The following KCNH7 variants were observed in gnomAD, a reference collection of about 807,000 sequenced individuals.
The protein encoded by KCNH7 is voltage-gated inwardly rectifying potassium channel KCNH7.
In KCNH7, 49 loss-of-function variants were observed where a neutral mutation model predicts 120.8. The ratio of observed to expected loss-of-function variants is 0.41; its 90% confidence interval spans 0.32 to 0.51. The LOEUF is 0.51. Ranked by LOEUF, KCNH7 falls within the 20% of genes least tolerant of loss-of-function variation. KCNH7 has a pLI of 0.38. For synonymous variants in KCNH7, 547 were observed against 516.1 expected, an observed-to-expected ratio of 1.06 and a Z score of -0.81; for missense variants, 1,097 against 1,446.6, an observed-to-expected ratio of 0.76 and a Z score of 3.92.
chr2:162,376,847 A>T (rs1433439218), intron 14 of KCNH7, among the ~76,000 whole-genome samples: 1 of 152,190 alleles, frequency 6.6e-6, no homozygotes, highest in South Asian at 2.1e-4. Flanking sequence ...ACCTAAATAG[A>T]TGTATCTGCA....
rs533367677 is a variant in KCNH7, at chr2:162,658,762, A to G, written c.308-121682T>C. ...AATTAGCATTATATTTTAAATTTCA[A>G]ATTCCAATCATTTATTCTTGGTACA... is the stretch of plus-strand genomic sequence containing the variant. On this transcript the variant is annotated intron_variant, in intron 2 of 15. Coordinates refer to ENST00000332142, the MANE Select transcript of KCNH7 (RefSeq NM_033272.4). 2.0e-5 allele frequency among the ~76,000 whole-genome samples: 3 copies of G among 152,124 alleles called. No homozygotes were observed. In the South Asian group the frequency reaches 6.2e-4, roughly 31 times the overall value.
intron 2 of KCNH7, among the ~76,000 whole-genome samples, chr2:162,544,802 C>T (rs1323234848): frequency 6.6e-6 from 1 of 152,028 alleles, no homozygotes; most frequent in African/African-American, 2.4e-5. Flanking sequence ...TGTCTCCAGC[C>T]CCACATTTCA....
rs539433161 is a variant in KCNH7 at position 162,762,912 on chromosome 2, G to T, written c.307+73625C>A. Among the ~76,000 whole-genome samples the T allele has an allele frequency of 3.9e-5, 6 of 152,076 alleles. No homozygotes were observed. The East Asian group carries it at 1.2e-3, about 29-fold the overall frequency. On this transcript the variant is annotated intron_variant, in intron 2 of 15. Coordinates refer to ENST00000332142, the MANE Select transcript of KCNH7 (RefSeq NM_033272.4). ...CAATCAATATATTCTATGAAATTAA[G>T]GAACAATTATTTAAGCAGTTCTTTA...
intron 2 of KCNH7, among the ~76,000 whole-genome samples, chr2:162,589,742 A>G (rs759739964): frequency 3.2e-4 from 48 of 152,264 alleles, no homozygotes; most frequent in Non-Finnish European, 6.0e-4. Context: ...AAATAAAACC[A>G]TGAATTTAAC....
At chr2:162,425,972 G>C (rs1260149583) in intron 8 of KCNH7, among the ~76,000 whole-genome samples, 11 of 152,048 alleles carry the variant, frequency 7.2e-5, no homozygotes, top group Non-Finnish European at 1.6e-4. Flanking sequence ...CCAGCACTTT[G>C]GGAGGCTGAG....
intron 2 of KCNH7, among the ~76,000 whole-genome samples, chr2:162,625,939 A>G (rs987063806): frequency 6.6e-6 from 1 of 152,134 alleles, no homozygotes; most frequent in African/African-American, 2.4e-5. Context: ...TGTAAAAAAA[A>G]TTACATAATT....
chr2:162,676,816 G>T (rs962834496), intron 2 of KCNH7, among the ~76,000 whole-genome samples: 1 of 151,188 alleles, frequency 6.6e-6, no homozygotes, highest in Non-Finnish European at 1.5e-5. Flanking sequence ...ACCACATAAG[G>T]GTCCATTTTG....
At chr2:162,748,338 A>G (rs186132330) in intron 2 of KCNH7, among the ~76,000 whole-genome samples, 74 of 152,310 alleles carry the variant, frequency 4.9e-4, no homozygotes, top group African/African-American at 1.6e-3. Flanking sequence ...CATGTTTCAC[A>G]TATTTTTCAT....
At chr2:162,629,942 A>C (rs954906189) in intron 2 of KCNH7, among the ~76,000 whole-genome samples, 2 of 152,126 alleles carry the variant, frequency 1.3e-5, no homozygotes, top group African/African-American at 4.8e-5. Flanking sequence ...TAAATGAAGA[A>C]ATTTGGATTG....
intron 3 of KCNH7, among the ~76,000 whole-genome samples, chr2:162,527,482 G>A (rs1691750237): frequency 6.6e-6 from 1 of 151,884 alleles, no homozygotes; most frequent in Admixed American, 6.6e-5. Context: ...CTTAGCTTGA[G>A]GTCTAAAAAC....
chr2:162,794,825 G>A (rs1410540558), intron 2 of KCNH7, among the ~76,000 whole-genome samples: 1 of 151,948 alleles, frequency 6.6e-6, no homozygotes, highest in East Asian at 1.9e-4. Flanking sequence ...TTAAGACTCA[G>A]AAGAATTTGA....
At chr2:162,576,480 T>TTC (rs1441622277) in intron 2 of KCNH7, among the ~76,000 whole-genome samples, 4 of 151,162 alleles carry the variant, frequency 2.6e-5, no homozygotes, top group African/African-American at 9.8e-5. Flanking sequence ...ATGGAATGTT[T>TTC]TCTTTTAAGG....
chr2:162,402,690 T>C (rs1687099372), intron 9 of KCNH7, among the ~76,000 whole-genome samples: 1 of 151,798 alleles, frequency 6.6e-6, no homozygotes, highest in Non-Finnish European at 1.5e-5. Context: ...ATGATTATAG[T>C]AGTTAGCATA....
At chr2:162,414,364 C>T (rs1687479565) in intron 9 of KCNH7, among the ~76,000 whole-genome samples, 1 of 151,468 alleles carries the variant, frequency 6.6e-6, no homozygotes, top group East Asian at 1.9e-4. Flanking sequence ...CAAATGAATG[C>T]CCAGCAATGA....
chr2:162,652,616 G>A (rs1684605064), intron 2 of KCNH7, among the ~76,000 whole-genome samples: 1 of 152,180 alleles, frequency 6.6e-6, no homozygotes, highest in Admixed American at 6.5e-5. Flanking sequence ...TCTGACAGAT[G>A]CAGAGCTCAG....
Position 162,630,363 on chromosome 2 carries a change from C to T in KCNH7, c.308-93283G>A, listed in dbSNP as rs535144551. Among the ~76,000 whole-genome samples, 61 of 151,698 alleles carry T rather than the reference C, an allele frequency of 4.0e-4. 2 individuals carry two copies. Among genetic ancestry groups the T allele is most frequent in the Admixed American group, 2.0e-3 (31 of 15,232 alleles). On this transcript the variant is annotated intron_variant, in intron 2 of 15. Transcript: ENST00000332142. Reference sequence around the variant, plus strand: ...AAAATATGAAGCTAGATGAGATTATCTAGGAAAAGATATGGAGTTAGATGG... The same window carrying T: ...AAAATATGAAGCTAGATGAGATTATTTAGGAAAAGATATGGAGTTAGATGG...
At chr2:162,486,288 C>CT (rs756336498) in intron 6 of KCNH7, among the ~76,000 whole-genome samples, 6 of 152,132 alleles carry the variant, frequency 3.9e-5, no homozygotes, top group Admixed American at 1.3e-4. Flanking sequence ...ATTTTCAATT[C>CT]TTTGGACTAT....
rs544692934 is a variant in KCNH7 at position 162,828,662 on chromosome 2, T to C, written c.307+7875A>G. Among the ~76,000 whole-genome samples the C allele has an allele frequency of 2.6e-5, 4 of 152,250 alleles. No homozygotes were observed. The South Asian group carries it at 8.3e-4, about 32-fold the overall frequency. ...CACAATGGTGAAAGTCCACTTGCTG[T>C]TACACTGTATTCTGACTCATCTGGA... On this transcript the variant is annotated intron_variant, in intron 2 of 15. Transcript: ENST00000332142.
At chr2:162,539,542 A>G (rs755367833) in intron 2 of KCNH7, among the ~76,000 whole-genome samples, 1 of 152,066 alleles carries the variant, frequency 6.6e-6, no homozygotes, top group African/African-American at 2.4e-5. Context: ...AGTGTTTGAA[A>G]ATTTACTGTC....
Sources: allele counts gnomAD v4.1 joint callset (sites outside exome capture counted in the v4.1 genomes callset), GRCh38; gene constraint gnomAD v4.1.1; transcripts MANE v1.5; gene names NCBI Gene and HGNC (gene_info 2026-07-23, HGNC 2026-07-21).